Variants in AVIL observed in about 807,000 individuals in gnomAD.
AVIL encodes advillin.
A neutral mutation model predicts 109.9 loss-of-function variants in AVIL; 78 were observed. That is an observed-to-expected ratio of 0.71 (90% confidence interval 0.59 to 0.86). AVIL has a LOEUF of 0.86. Among genes scored for constraint, AVIL ranks in the 40% least tolerant of loss-of-function variants. The probability of loss-of-function intolerance (pLI) is 0.00; values close to 1 mark genes in which losing one functional copy is unlikely to be tolerated. For missense variants in AVIL, 892 were observed against 1,016.5 expected, an observed-to-expected ratio of 0.88 and a Z score of 1.67; for synonymous variants, 367 against 379.1, an observed-to-expected ratio of 0.97 and a Z score of 0.37.
chr12:57,799,632 T>G (rs751282652), intron 19 of AVIL, among the ~76,000 whole-genome samples, 163 bp downstream of exon 19: 14 of 152,110 alleles, frequency 9.2e-5, no homozygotes, highest in Non-Finnish European at 1.9e-4. Context: ...GAGAAAAGAA[T>G]CAAGAAAGAA....
Position 57,808,568 on chromosome 12 carries a change from C to G in AVIL, c.940-20G>C. 6.2e-7 allele frequency: 1 copy of G among 1,612,828 alleles called. No individual in the cohort carries two copies. Among genetic ancestry groups the G allele is most frequent in the South Asian group, 1.1e-5 (1 of 90,898 alleles). On this transcript the variant is annotated intron_variant, in intron 9 of 19. Coordinates refer to ENST00000549994, the MANE Select transcript of AVIL (RefSeq NM_006576.4). Reference sequence around the variant, plus strand: ...GAAGCCCTGCAGAGCCACCCATTCCCAAAGGCAGGTCAGTGGTGGAATACA... The same window carrying G: ...GAAGCCCTGCAGAGCCACCCATTCCGAAAGGCAGGTCAGTGGTGGAATACA...
At chr12:57,818,513 T>A (rs983533697) in intron 1 of AVIL, 116 bp downstream of exon 1, 3 of 152,214 alleles carry the variant, frequency 2.0e-5, no homozygotes, top group Non-Finnish European at 4.4e-5. Flanking sequence ...TCCTGGTTCA[T>A]TTTAAAAGCC....
At chr12:57,807,524 C>G (rs776989904) in intron 12 of AVIL, 35 bp from the exon 13 acceptor site, 1 of 1,614,222 alleles carries the variant, frequency 6.2e-7, no homozygotes, top group Non-Finnish European at 8.5e-7. Context: ...GACCCATGCT[C>G]CCCGCCCCAG....
intron 3 of AVIL, among the ~76,000 whole-genome samples, chr12:57,813,879 G>A (rs1595175923): frequency 6.6e-6 from 1 of 152,198 alleles, no homozygotes; most frequent in Non-Finnish European, 1.5e-5. Context: ...CCACTTTAAT[G>A]TGGGGCCTAG....
intron 8 of AVIL, 56 bp from the exon 9 acceptor site, chr12:57,809,751 A>G: frequency 2.5e-6 from 4 of 1,613,400 alleles, no homozygotes; most frequent in Non-Finnish European, 3.4e-6. Context: ...GATTTTGCAC[A>G]GGGTCTGCTT....
chr12:57,807,398 C>T lies in AVIL; in HGVS notation c.1424G>A (p.Arg475Gln), dbSNP rs760997094. Reference sequence around the variant, plus strand: ...GCGTGGCTCCGTTCCCATCCTGACTCGAACCTGCACAGCAGCCCCATCAAA... The same window carrying T: ...GCGTGGCTCCGTTCCCATCCTGACTTGAACCTGCACAGCAGCCCCATCAAA... ...RQFDGAAVQVRVRMGTEPRHF... is the reference protein window; with the variant it reads ...RQFDGAAVQVQVRMGTEPRHF... Residue 475 changes from arginine (R) to glutamine (Q), a missense_variant, in exon 13 of 20, where the codon CGA (arginine) becomes CAA (glutamine). Arg to Gln is a conservative substitution (Grantham distance 43). Transcript: ENST00000549994. The T allele has an allele frequency of 6.8e-6, 11 of 1,614,112 alleles. No individual in the cohort carries two copies. The highest frequency in any genetic ancestry group is 5.0e-5 in the Admixed American group (3 of 60,010).
chr12:57,801,913 A>C (rs573814836), intron 17 of AVIL, among the ~76,000 whole-genome samples: 4 of 152,336 alleles, frequency 2.6e-5, no homozygotes, highest in African/African-American at 9.6e-5. Flanking sequence ...ATGTGTATGG[A>C]TATACTTTAT....
At chr12:57,802,734 C>A in intron 16 of AVIL, 1 of 597,220 alleles carries the variant, frequency 1.7e-6, no homozygotes, top group East Asian at 2.8e-5. Flanking sequence ...ATCTAGTCAC[C>A]TAAGGCAGAA....
At chr12:57,803,136 G>A in intron 16 of AVIL, 111 bp downstream of exon 16, 1 of 1,366,182 alleles carries the variant, frequency 7.3e-7, no homozygotes, top group Non-Finnish European at 1.0e-6. Context: ...TGATTGAGCT[G>A]GGGATGGTCC....
chr12:57,804,419 G>A (rs1238725859), intron 14 of AVIL: 1 of 152,208 alleles, frequency 6.6e-6, no homozygotes, highest in Non-Finnish European at 1.5e-5. Context: ...ATAAACATTT[G>A]TGCACAGGTT....
Position 57,802,301 on chromosome 12 carries a change from ACT to A in AVIL, c.2008_2009del (p.Ser670CysfsTer26). The A allele has an allele frequency of 6.2e-7, 1 of 1,613,366 alleles. No homozygotes were observed. Among genetic ancestry groups the A allele is most frequent in the East Asian group, 2.2e-5 (1 of 44,866 alleles). The part of the protein sequence containing the change: ...GAEANATEKE[S>X]ALATAQQYLH... ...GGTACTGCTGTGCTGTGGCAAGGGCACTCTCCTTCTCCGTGGCATTGGCCTCA... is the reference window on the plus strand; with the variant it reads ...GGTACTGCTGTGCTGTGGCAAGGGCACTCCTTCTCCGTGGCATTGGCCTCA... On this transcript the variant is annotated frameshift_variant, in exon 17 of 20. Coordinates refer to ENST00000549994, the MANE Select transcript of AVIL (RefSeq NM_006576.4). LOFTEE classifies it high-confidence loss of function.
chr12:57,799,979 A>C, intron 18 of AVIL, 59 bp from the exon 19 acceptor site: 1 of 1,598,930 alleles, frequency 6.3e-7, no homozygotes, highest in Non-Finnish European at 8.6e-7. Flanking sequence ...GTGTGGTTAC[A>C]GTTCTGAATG....
chr12:57,816,755 C>G (rs1170892213), intron 1 of AVIL, among the ~76,000 whole-genome samples: 2 of 144,442 alleles, frequency 1.4e-5, no homozygotes, highest in African/African-American at 5.1e-5. Context: ...CTCAAACAAC[C>G]CTTCCTTCTT....
Position 57,797,539 on chromosome 12 carries a change from T to G in AVIL, c.*343A>C. 3.2e-6 allele frequency: 3 copies of G among 937,614 alleles called. No homozygotes were observed. The highest frequency in any genetic ancestry group is 3.8e-6 in the Non-Finnish European group (3 of 785,828). 58.1% of individuals were successfully genotyped at this position (937,614 alleles called of 1,614,324 possible). A position where few individuals can be genotyped will look rare whatever the true frequency, so the allele number is the denominator to read the frequency against. On this transcript the variant is annotated 3_prime_UTR_variant, in exon 20 of 20. Coordinates refer to ENST00000549994, the MANE Select transcript of AVIL (RefSeq NM_006576.4). The stretch of plus-strand genomic sequence containing the variant: ...TCTTAAAATTGAAAACAAAGGTAGG[T>G]CCTGGTATAATATTAAACATAAAGT...
At position 57,803,358 on chromosome 12, in the gene AVIL, A is replaced by G. The variant is rs1378287323; in HGVS notation, c.1851T>C (p.Arg617=). The part of the protein sequence containing the change: ...LQQEILDVQS[R]LFECSNKTGQ... ...CGGTCTTATTGGAACATTCAAAGAG[A>G]CGAGACTGGACATCTAGGATTTCCT... Residue 617 remains arginine (R), a synonymous_variant, in exon 16 of 20, where the codon CGT becomes CGC. Transcript: ENST00000549994. The G allele has an allele frequency of 6.2e-7, 1 of 1,614,158 alleles. No homozygotes were observed. Among genetic ancestry groups the G allele is most frequent in the African/African-American group, 1.3e-5 (1 of 75,012 alleles).
chr12:57,797,983 C>A lies in AVIL; in HGVS notation c.2359G>T (p.Glu787Ter). Residue 787 changes from glutamate to a stop codon, truncating the protein, a stop_gained, in exon 20 of 20, where the codon GAA becomes TAA. Transcript: ENST00000549994. LOFTEE classifies it high-confidence loss of function. ...CCAAACACAGACACAAAGTCCTGTTCAGAGAGGTAATTCTAAGAGAGAAAA... is the reference window on the plus strand; with the variant it reads ...CCAAACACAGACACAAAGTCCTGTTAAGAGAGGTAATTCTAAGAGAGAAAA... ...NPAKKENYLS[E>*]QDFVSVFGIT... 6.2e-7 allele frequency: 1 copy of A among 1,607,932 alleles called. No individual in the cohort carries two copies.
chr12:57,808,096 A>G, intron 11 of AVIL, 98 bp downstream of exon 11: 1 of 1,394,338 alleles, frequency 7.2e-7, no homozygotes, highest in South Asian at 1.2e-5. Flanking sequence ...GGGAAAGGGA[A>G]AGCAAAGCAG....
chr12:57,808,734 G>C, intron 9 of AVIL, 186 bp from the exon 10 acceptor site: 5 of 645,708 alleles, frequency 7.7e-6, no homozygotes, highest in Non-Finnish European at 1.3e-5. Context: ...TGACTGAGTG[G>C]AACATTTTTG....
chr12:57,798,112 A>G (rs541374246), intron 19 of AVIL, 117 bp from the exon 20 acceptor site: 1 of 564,154 alleles, frequency 1.8e-6, no homozygotes, highest in East Asian at 3.3e-5. Flanking sequence ...GGGAAGTAGA[A>G]TGAATTTCTC....
Sources: gnomAD v4.1 joint callset for allele counts (sites outside exome capture counted in the v4.1 genomes callset) on GRCh38, gnomAD v4.1.1 for gene constraint, MANE v1.5 for transcripts, NCBI Gene and HGNC (gene_info 2026-07-23, HGNC 2026-07-21) for gene names.